The following SGCZ variants were observed in gnomAD, a reference collection of about 807,000 sequenced individuals.
SGCZ encodes zeta-sarcoglycan.
A neutral mutation model predicts 41.3 loss-of-function variants in SGCZ; 40 were observed. That is an observed-to-expected ratio of 0.97 (90% CI 0.75 to 1.26). The LOEUF (loss-of-function observed/expected upper bound fraction) is 1.26, where lower values mean the gene tolerates loss of function less well. SGCZ is among the 50% of genes most tolerant of loss of function. The probability of loss-of-function intolerance (pLI) is 0.00; values close to 1 mark genes in which losing one functional copy is unlikely to be tolerated. For missense variants in SGCZ, 552 were observed against 369.8 expected, an observed-to-expected ratio of 1.49 and a Z score of -4.04; for synonymous variants, 206 against 137.5, an observed-to-expected ratio of 1.50 and a Z score of -3.49.
intron 1 of SGCZ, among the ~76,000 whole-genome samples, chr8:14,767,047 A>T (rs1312131337): frequency 1.4e-5 from 2 of 142,500 alleles, no homozygotes; most frequent in African/African-American, 4.9e-5. Flanking sequence ...ACAATTATAT[A>T]AATTTTATCA....
chr8:14,896,665 C>T lies in SGCZ; in HGVS notation c.39+340920G>A, dbSNP rs185342351. On this transcript the variant is annotated intron_variant, in intron 1 of 7. Transcript: ENST00000382080. Reference sequence around the variant, plus strand: ...CTAATTTCCGTATTTTCAGGAGAGACGGGGTTTCACCATGTTGGTCAAGGT... The same window carrying T: ...CTAATTTCCGTATTTTCAGGAGAGATGGGGTTTCACCATGTTGGTCAAGGT... Among the ~76,000 whole-genome samples, 613 of 151,732 alleles carry T rather than the reference C, an allele frequency of 4.0e-3. 4 individuals carry two copies. Among genetic ancestry groups the T allele is most frequent in the South Asian group, 0.018 (86 of 4,802 alleles).
At chr8:14,131,186 C>G (rs1322087438) in intron 5 of SGCZ, among the ~76,000 whole-genome samples, 1 of 152,080 alleles carries the variant, frequency 6.6e-6, no homozygotes, top group African/African-American at 2.4e-5. Context: ...AGTATTAACC[C>G]AGACAAAAGA....
intron 4 of SGCZ, among the ~76,000 whole-genome samples, chr8:14,220,627 T>A (rs566171814): frequency 1.3e-5 from 2 of 151,772 alleles, no homozygotes; most frequent in South Asian, 2.1e-4. Flanking sequence ...TAAAAAAAAA[T>A]AATACAAAAA....
intron 1 of SGCZ, among the ~76,000 whole-genome samples, chr8:14,969,315 G>C (rs1801219837): frequency 6.6e-6 from 1 of 152,110 alleles, no homozygotes; most frequent in Non-Finnish European, 1.5e-5. Flanking sequence ...ATCTGTTGCA[G>C]AGGACTACAC....
intron 2 of SGCZ, among the ~76,000 whole-genome samples, chr8:14,457,455 G>A (rs1156695791): frequency 6.6e-6 from 1 of 152,202 alleles, no homozygotes; most frequent in East Asian, 1.9e-4. Context: ...TTTCCCTGGG[G>A]GAGTTTAGAG....
At chr8:14,436,597 C>A (rs1327771640) in intron 2 of SGCZ, among the ~76,000 whole-genome samples, 1 of 152,194 alleles carries the variant, frequency 6.6e-6, no homozygotes, top group Non-Finnish European at 1.5e-5. Flanking sequence ...ACCAAAGGCA[C>A]AAGCACTAAC....
At chr8:14,993,368 A>G (rs772081015) in intron 1 of SGCZ, among the ~76,000 whole-genome samples, 5 of 152,174 alleles carry the variant, frequency 3.3e-5, no homozygotes, top group Admixed American at 6.5e-5. Flanking sequence ...TATTCTAGGA[A>G]TGGGGCTTGA....
chr8:14,507,004 T>C (rs1393653974), intron 2 of SGCZ, among the ~76,000 whole-genome samples: 2 of 152,138 alleles, frequency 1.3e-5, no homozygotes, highest in African/African-American at 4.8e-5. Context: ...ATAAATACCA[T>C]CTCTATGCTA....
At chr8:14,394,554 T>C (rs1804911668) in intron 2 of SGCZ, among the ~76,000 whole-genome samples, 2 of 152,142 alleles carry the variant, frequency 1.3e-5, no homozygotes, top group Admixed American at 1.3e-4. Context: ...CCTGAGATCA[T>C]GGTTGGTTTT....
chr8:14,453,880 T>A (rs1800667747), intron 2 of SGCZ, among the ~76,000 whole-genome samples: 1 of 152,208 alleles, frequency 6.6e-6, no homozygotes, highest in Non-Finnish European at 1.5e-5. Context: ...AACTGTCTCC[T>A]AAAATTATTT....
intron 1 of SGCZ, among the ~76,000 whole-genome samples, chr8:14,984,559 T>C (rs144386857): frequency 0.017 from 2,649 of 152,240 alleles, 36 homozygotes; most frequent in South Asian, 0.041. Flanking sequence ...ATAGTCTGGA[T>C]TTTGTTGCTG....
Position 14,087,730 on chromosome 8 carries a change from C to T in SGCZ, c.*2713G>A, listed in dbSNP as rs767327155. On this transcript the variant is annotated 3_prime_UTR_variant, in exon 8 of 8. Transcript: ENST00000382080. ...CTATATTTTTAAAAAAAAAAAAATG[C>T]TTTTTTGTGTTTGAATGTGGAAAAC... Among the ~76,000 whole-genome samples, 31 of 148,596 alleles carry T rather than the reference C, an allele frequency of 2.1e-4. No homozygotes were observed. The highest frequency in any genetic ancestry group is 6.9e-4 in the African/African-American group (28 of 40,458).
intron 1 of SGCZ, among the ~76,000 whole-genome samples, chr8:15,156,261 A>G (rs1248668493): frequency 1.3e-5 from 2 of 152,112 alleles, no homozygotes; most frequent in Non-Finnish European, 2.9e-5. Context: ...CTGAGGCCTT[A>G]TTTCTGCATA....
At chr8:14,647,919 A>G (rs1408052751) in intron 1 of SGCZ, among the ~76,000 whole-genome samples, 1 of 151,958 alleles carries the variant, frequency 6.6e-6, no homozygotes, top group Non-Finnish European at 1.5e-5. Flanking sequence ...TTGTTTGGGT[A>G]TTCCTCCACT....
At chr8:14,668,215 C>G (rs893515842) in intron 1 of SGCZ, among the ~76,000 whole-genome samples, 54 of 152,320 alleles carry the variant, frequency 3.5e-4, no homozygotes, top group Admixed American at 3.0e-3. Flanking sequence ...CCATCTCAGC[C>G]TCCCAAAGTG....
chr8:14,813,181 T>C (rs1029558356), intron 1 of SGCZ, among the ~76,000 whole-genome samples: 1 of 152,232 alleles, frequency 6.6e-6, no homozygotes, highest in Non-Finnish European at 1.5e-5. Context: ...AGATTTGTTT[T>C]AATGCATAAA....
intron 1 of SGCZ, among the ~76,000 whole-genome samples, chr8:14,863,386 A>G (rs1803820414): frequency 6.6e-6 from 1 of 152,092 alleles, no homozygotes; most frequent in Admixed American, 6.6e-5. Context: ...GTGTAGTGAC[A>G]CTATCATAGC....
chr8:14,621,290 G>A lies in SGCZ; in HGVS notation c.40-66364C>T, dbSNP rs546759234. ...CATCACACACTGGGGCCTGTTGTGG[G>A]GTGGGGGGAGGGGGGAGGGATAGCA... On this transcript the variant is annotated intron_variant, in intron 1 of 7. Coordinates refer to ENST00000382080, the MANE Select transcript of SGCZ (RefSeq NM_139167.4). 4.2e-3 allele frequency among the ~76,000 whole-genome samples: 483 copies of A among 115,918 alleles called. 5 individuals carry two copies. Among genetic ancestry groups the A allele is most frequent in the Middle Eastern group, 0.018 (3 of 170 alleles). 76.0% of individuals were successfully genotyped at this position (115,918 alleles called of 152,430 possible). A position where few individuals can be genotyped will look rare whatever the true frequency, so the allele number is the denominator to read the frequency against.
At chr8:14,403,532 A>G (rs1457014007) in intron 2 of SGCZ, among the ~76,000 whole-genome samples, 1 of 152,068 alleles carries the variant, frequency 6.6e-6, no homozygotes, top group East Asian at 1.9e-4. Context: ...CCTTTTCTGC[A>G]TCTATTGAGA....
Sources: gnomAD v4.1 joint callset for allele counts (sites outside exome capture counted in the v4.1 genomes callset) on GRCh38, gnomAD v4.1.1 for gene constraint, MANE v1.5 for transcripts, NCBI Gene and HGNC (gene_info 2026-07-23, HGNC 2026-07-21) for gene names.